The following ARL5A variants were observed in gnomAD, a reference collection of about 807,000 sequenced individuals.
ARL5A encodes the protein ARF like GTPase 5A.
Under a neutral mutation model 25.9 loss-of-function variants are expected in ARL5A, and 18 were observed. The observed-to-expected ratio is 0.69, with a 90% confidence interval of 0.48 to 1.03. The LOEUF is 1.03. ARL5A is among the 50% of genes least tolerant of loss of function. The pLI is 0.00. For missense variants in ARL5A, 170 were observed against 211.9 expected (o/e 0.80, Z 1.23); for synonymous variants, 61 against 67.5 (o/e 0.90, Z 0.47).
At chr2:151,821,160 T>C (rs3768658) in intron 1 of ARL5A, among the ~76,000 whole-genome samples, 131,794 of 152,144 alleles carry the variant, frequency 0.87, 57,797 homozygotes, top group Middle Eastern at 0.94. Flanking sequence ...ACTTTGCTCA[T>C]GCCATTCTCC....
chr2:151,817,047 C>G (rs6760215), intron 1 of ARL5A, among the ~76,000 whole-genome samples: 296 of 152,288 alleles, frequency 1.9e-3, no homozygotes, highest in African/African-American at 6.8e-3. Context: ...AACTACATCA[C>G]AAGTTGAAGG....
chr2:151,823,858 A>T (rs1015105171), intron 1 of ARL5A, among the ~76,000 whole-genome samples: 2 of 152,208 alleles, frequency 1.3e-5, no homozygotes, highest in African/African-American at 2.4e-5. Context: ...GCTGCTGACC[A>T]CTATGCAGTA....
rs1239789537 is a variant in ARL5A at position 151,799,553 on chromosome 2, G to C, written c.*3723C>G. Reference sequence around the variant, plus strand: ...TAACTAGTAGCTCACGGAAGTGGTAGAGTCTGGGTATTTCTCCTATCTTTC... The same window carrying C: ...TAACTAGTAGCTCACGGAAGTGGTACAGTCTGGGTATTTCTCCTATCTTTC... On this transcript the variant is annotated 3_prime_UTR_variant, in exon 6 of 6. Transcript: ENST00000295087. The C allele has an allele frequency of 2.6e-5, 4 of 152,214 alleles. No individual in the cohort carries two copies. The highest frequency in any genetic ancestry group is 2.0e-4 in the Admixed American group (3 of 15,274). The allele number at this position is 152,214 out of a possible 1,614,324, so 9.4% of individuals were successfully genotyped here. A position where few individuals can be genotyped will look rare whatever the true frequency, so the allele number is the denominator to read the frequency against.
chr2:151,812,992 T>C (rs2099831048), intron 3 of ARL5A, among the ~76,000 whole-genome samples: 1 of 152,168 alleles, frequency 6.6e-6, no homozygotes, highest in Non-Finnish European at 1.5e-5. Flanking sequence ...AAACTGATGA[T>C]GAGACTGGTA....
chr2:151,808,594 A>C (rs1226288030), intron 4 of ARL5A, among the ~76,000 whole-genome samples: 1 of 152,248 alleles, frequency 6.6e-6, no homozygotes, highest in Admixed American at 6.5e-5. Context: ...CAATGTTTGC[A>C]ATTTTAAGAT....
intron 5 of ARL5A, among the ~76,000 whole-genome samples, chr2:151,805,230 A>C (rs112766817): frequency 7.1e-6 from 1 of 141,198 alleles, no homozygotes; most frequent in Non-Finnish European, 1.6e-5. Context: ...GTTTTTTTTT[A>C]ATTAAAAAAC....
chr2:151,805,940 T>C (rs2099830050), intron 5 of ARL5A, among the ~76,000 whole-genome samples: 1 of 152,064 alleles, frequency 6.6e-6, no homozygotes, highest in Non-Finnish European at 1.5e-5. Context: ...CCTCCTCTAT[T>C]TTATCTTTCC....
At chr2:151,814,788 C>T (rs1310777728) in intron 2 of ARL5A, among the ~76,000 whole-genome samples, 3 of 151,842 alleles carry the variant, frequency 2.0e-5, no homozygotes, top group East Asian at 1.9e-4. Context: ...GTGACCCAAG[C>T]GGTTTCTCAA....
At chr2:151,804,994 T>A (rs767485668) in intron 5 of ARL5A, among the ~76,000 whole-genome samples, 2 of 152,152 alleles carry the variant, frequency 1.3e-5, no homozygotes, top group Non-Finnish European at 2.9e-5. Flanking sequence ...TGAAATTGAG[T>A]TAATATCTAT....
At chr2:151,815,325 A>G (rs1322479353) in intron 1 of ARL5A, 126 bp from the exon 2 acceptor site, 1 of 709,942 alleles carries the variant, frequency 1.4e-6, no homozygotes, top group East Asian at 2.9e-5. Context: ...GGCACTTTAT[A>G]CTTTCTCAGA....
At chr2:151,804,654 C>T (rs535765829) in intron 5 of ARL5A, among the ~76,000 whole-genome samples, 55 of 152,210 alleles carry the variant, frequency 3.6e-4, no homozygotes, top group Non-Finnish European at 6.3e-4. Flanking sequence ...GATAAATGAA[C>T]AGTAGTTACC....
chr2:151,807,514 A>C (rs1031156404), intron 4 of ARL5A, among the ~76,000 whole-genome samples: 2 of 152,190 alleles, frequency 1.3e-5, no homozygotes, highest in Admixed American at 1.3e-4. Context: ...ATTAAGCTCC[A>C]AAGAAAACGA....
chr2:151,821,775 C>CTT (rs760341359), intron 1 of ARL5A, among the ~76,000 whole-genome samples: 5 of 113,534 alleles, frequency 4.4e-5, no homozygotes, highest in African/African-American at 1.4e-4. Context: ...GCCCGGCTTT[C>CTT]TTTTTTTTTT....
Position 151,800,687 on chromosome 2 carries a change from G to A in ARL5A, c.*2589C>T, listed in dbSNP as rs2099829289. On this transcript the variant is annotated 3_prime_UTR_variant, in exon 6 of 6. Coordinates refer to ENST00000295087, the MANE Select transcript of ARL5A (RefSeq NM_012097.4). Reference sequence around the variant, plus strand: ...TTCAAACAAGAACCCTCTATATAATGTGTAAGATGTACTTTTACAGATGCT... The same window carrying A: ...TTCAAACAAGAACCCTCTATATAATATGTAAGATGTACTTTTACAGATGCT... 6.6e-6 allele frequency: 1 copy of A among 152,152 alleles called. No individual in the cohort carries two copies. The highest frequency in any genetic ancestry group is 2.1e-4 in the South Asian group (1 of 4,828). 9.4% of individuals were successfully genotyped at this position (152,152 alleles called of 1,614,324 possible). A position where few individuals can be genotyped will look rare whatever the true frequency, so the allele number is the denominator to read the frequency against.
At chr2:151,825,834 A>C (rs970092764) in intron 1 of ARL5A, among the ~76,000 whole-genome samples, 2 of 152,010 alleles carry the variant, frequency 1.3e-5, no homozygotes, top group South Asian at 2.1e-4. Flanking sequence ...AAAAAAAAAA[A>C]AACAACCCTG....
intron 1 of ARL5A, among the ~76,000 whole-genome samples, chr2:151,818,006 G>A (rs192058212): frequency 2.6e-4 from 39 of 152,260 alleles, no homozygotes; most frequent in African/African-American, 8.9e-4. Context: ...AACCCCGTCT[G>A]TGGTCTTTAG....
intron 4 of ARL5A, among the ~76,000 whole-genome samples, chr2:151,811,226 TAAAGCAAATCTCA>T (rs200941793): frequency 0.04 from 6,070 of 152,282 alleles, 167 homozygotes; most frequent in Middle Eastern, 0.068. Context: ...ACAAAATTCT[TAAAGCAAATCTCA>T]AAAGCAAATC....
At chr2:151,809,571 A>C (rs1181155692) in intron 4 of ARL5A, among the ~76,000 whole-genome samples, 1 of 152,224 alleles carries the variant, frequency 6.6e-6, no homozygotes, top group Non-Finnish European at 1.5e-5. Context: ...TATTAAATTA[A>C]GGCTGTTCAT....
At chr2:151,814,488 GT>G (rs529598438) in intron 2 of ARL5A, among the ~76,000 whole-genome samples, 172 bp from the exon 3 acceptor site, 117 of 152,148 alleles carry the variant, frequency 7.7e-4, no homozygotes, top group African/African-American at 2.6e-3. Flanking sequence ...GAACTAGGTC[GT>G]AGGCTATCTG....
Sources: allele counts gnomAD v4.1 joint callset (sites outside exome capture counted in the v4.1 genomes callset), GRCh38; gene constraint gnomAD v4.1.1; transcripts MANE v1.5; gene names NCBI Gene and HGNC (gene_info 2026-07-23, HGNC 2026-07-21).